Variants in NYAP2 observed in about 807,000 individuals in gnomAD.
NYAP2 encodes neuronal tyrosine-phosphorylated phosphoinositide-3-kinase adaptor 2.
NYAP2 carries 23 observed loss-of-function variants against 50.4 expected under a neutral mutation model. That is an observed-to-expected ratio of 0.46 (90% CI 0.33 to 0.65). The LOEUF (loss-of-function observed/expected upper bound fraction) is 0.65. Ranked by LOEUF, NYAP2 falls within the 30% of genes least tolerant of loss-of-function variation. NYAP2 has a pLI of 0.02. For missense variants in NYAP2, 885 were observed against 861.0 expected (o/e 1.03, Z -0.35); for synonymous variants, 394 against 365.2 (o/e 1.08, Z -0.90).
At chr2:225,684,588 G>C in the NYAP2 span, among the ~76,000 whole-genome samples, 1 of 150,890 alleles carries the variant, frequency 6.6e-6, no homozygotes, top group Admixed American at 6.6e-5. Flanking sequence ...GAGTCTCACT[G>C]TCACTCAGGC....
At chr2:225,603,853 G>A (rs560561275) in intron 5 of NYAP2, among the ~76,000 whole-genome samples, 6 of 151,764 alleles carry the variant, frequency 4.0e-5, no homozygotes, top group South Asian at 2.1e-4. Context: ...TCTTTCATTT[G>A]TCACTTTCGC....
intron 6 of NYAP2, among the ~76,000 whole-genome samples, chr2:225,646,310 G>A (rs1177114750): frequency 6.6e-6 from 1 of 152,182 alleles, no homozygotes; most frequent in African/African-American, 2.4e-5. Flanking sequence ...CTAGCACTTT[G>A]GGAGGCCAAG....
intron 4 of NYAP2, among the ~76,000 whole-genome samples, chr2:225,522,422 T>C (rs1691080560): frequency 6.6e-6 from 1 of 152,116 alleles, no homozygotes; most frequent in South Asian, 2.1e-4. Flanking sequence ...GAAGCAAAAA[T>C]TGGGATACCT....
chr2:225,608,840 A>G (rs1692832494), intron 5 of NYAP2, among the ~76,000 whole-genome samples: 1 of 152,082 alleles, frequency 6.6e-6, no homozygotes, highest in African/African-American at 2.4e-5. Context: ...GGAAGGGAGG[A>G]TGGTAGCATA....
At chr2:225,525,841 G>A (rs190111302) in intron 4 of NYAP2, among the ~76,000 whole-genome samples, 1 of 152,248 alleles carries the variant, frequency 6.6e-6, no homozygotes, top group Non-Finnish European at 1.5e-5. Context: ...TTCTAAGACG[G>A]TATTCAAGAT....
intron 4 of NYAP2, among the ~76,000 whole-genome samples, chr2:225,559,106 C>A (rs1446037377): frequency 6.6e-6 from 1 of 152,066 alleles, no homozygotes; most frequent in Non-Finnish European, 1.5e-5. Context: ...TTATCCCCTT[C>A]TGTCCTTTTG....
At chr2:225,407,217 G>A (rs1694956249) in intron 2 of NYAP2, among the ~76,000 whole-genome samples, 2 of 152,066 alleles carry the variant, frequency 1.3e-5, no homozygotes, top group East Asian at 1.9e-4. Context: ...TCCCCAAATT[G>A]CAATCATTTG....
intron 3 of NYAP2, among the ~76,000 whole-genome samples, chr2:225,498,800 A>T (rs1318303395): frequency 6.6e-6 from 1 of 152,130 alleles, no homozygotes; most frequent in Non-Finnish European, 1.5e-5. Flanking sequence ...TCTTGGAAGC[A>T]TTTGTTCTCT....
intron 5 of NYAP2, among the ~76,000 whole-genome samples, chr2:225,601,834 C>A (rs1692695975): frequency 6.6e-6 from 1 of 152,126 alleles, no homozygotes; most frequent in Admixed American, 6.5e-5. Flanking sequence ...TCTCCCATCC[C>A]ATAGGTTGCC....
At chr2:225,665,837 A>AAAAAAAAT in the NYAP2 span, among the ~76,000 whole-genome samples, 1 of 145,568 alleles carries the variant, frequency 6.9e-6, no homozygotes. Flanking sequence ...AAAAAAAAAA[A>AAAAAAAAT]GCCCACCACC....
rs147939845 is a variant in NYAP2, at chr2:225,467,594, A to T, written c.222-45777A>T. Among the ~76,000 whole-genome samples, 3 of 152,296 alleles carry T rather than the reference A, an allele frequency of 2.0e-5. No homozygotes were observed. The East Asian group carries it at 5.8e-4, about 29-fold the overall frequency. ...ATTTTTAAAAAATACCTCAGAATAG[A>T]CTATCAAAGTCTCACTGCCTTTCAA... On this transcript the variant is annotated intron_variant, in intron 3 of 6. Coordinates refer to ENST00000636099, the Ensembl canonical transcript of NYAP2.
intron 3 of NYAP2, among the ~76,000 whole-genome samples, chr2:225,458,648 T>C (rs749483923): frequency 5.9e-5 from 9 of 152,224 alleles, no homozygotes; most frequent in South Asian, 2.1e-4. Flanking sequence ...GATCTCTGCT[T>C]CATTTCCATT....
At chr2:225,570,707 G>A (rs1006478833) in intron 4 of NYAP2, among the ~76,000 whole-genome samples, 1 of 152,212 alleles carries the variant, frequency 6.6e-6, no homozygotes, top group South Asian at 2.1e-4. Context: ...ATTTGGGTGG[G>A]GACATAACCA....
intron 4 of NYAP2, among the ~76,000 whole-genome samples, chr2:225,566,294 G>C (rs73089056): frequency 0.078 from 11,833 of 152,208 alleles, 1,541 homozygotes; most frequent in African/African-American, 0.27. Flanking sequence ...TTTTATGGCT[G>C]TGTAATTCCA....
chr2:225,616,453 A>G (rs1419803407), intron 5 of NYAP2, among the ~76,000 whole-genome samples: 1 of 152,212 alleles, frequency 6.6e-6, no homozygotes, highest in Non-Finnish European at 1.5e-5. Flanking sequence ...CTGGGCTTGT[A>G]GGTAAACTTC....
At chr2:225,674,529 C>A in the NYAP2 span, among the ~76,000 whole-genome samples, 1 of 152,006 alleles carries the variant, frequency 6.6e-6, no homozygotes. Flanking sequence ...TAAGGTGCTA[C>A]AGTGATTAGC....
chr2:225,605,139 C>G (rs6754048), intron 5 of NYAP2, among the ~76,000 whole-genome samples: 1 of 151,970 alleles, frequency 6.6e-6, no homozygotes, highest in African/African-American at 2.4e-5. Flanking sequence ...ATATTTTTCT[C>G]CCCATGCATT....
chr2:225,633,473 G>C (rs1002249950), intron 6 of NYAP2, among the ~76,000 whole-genome samples: 1 of 152,172 alleles, frequency 6.6e-6, no homozygotes, highest in Non-Finnish European at 1.5e-5. Flanking sequence ...CTTCCTTCAT[G>C]TATTTTGCTT....
chr2:225,479,390 T>C (rs1030058456), intron 3 of NYAP2, among the ~76,000 whole-genome samples: 2 of 152,198 alleles, frequency 1.3e-5, no homozygotes, highest in African/African-American at 4.8e-5. Context: ...CAACACGATC[T>C]ACTTATTAAG....
Sources: allele counts gnomAD v4.1 joint callset (sites outside exome capture counted in the v4.1 genomes callset), GRCh38; gene constraint gnomAD v4.1.1; transcripts MANE v1.5; gene names NCBI Gene and HGNC (gene_info 2026-07-23, HGNC 2026-07-21).